CACNA2D1: variants seen among roughly 807,000 people sequenced by gnomAD.
The protein encoded by CACNA2D1 is voltage-dependent calcium channel subunit alpha-2/delta-1.
In CACNA2D1, 53 loss-of-function variants were observed where a neutral mutation model predicts 171.5. The ratio of observed to expected loss-of-function variants is 0.31; its 90% CI spans 0.25 to 0.39. The LOEUF (loss-of-function observed/expected upper bound fraction) is 0.39. Ranked by LOEUF, CACNA2D1 falls within the 10% of genes least tolerant of loss-of-function variation. The pLI is 1.00. For synonymous variants in CACNA2D1, 442 were observed against 443.1 expected (o/e 1.00, Z 0.03); for missense variants, 903 against 1,299.8 (o/e 0.69, Z 4.69).
intron 3 of CACNA2D1, among the ~76,000 whole-genome samples, chr7:82,203,295 C>T (rs1293840777): frequency 1.3e-5 from 2 of 152,102 alleles, no homozygotes; most frequent in African/African-American, 2.4e-5. Context: ...TGCCATCTAT[C>T]GTGGACTTGA....
At chr7:82,440,822 T>TAA (rs199734338) in intron 1 of CACNA2D1, among the ~76,000 whole-genome samples, 1 of 151,248 alleles carries the variant, frequency 6.6e-6, no homozygotes, top group Non-Finnish European at 1.5e-5. Flanking sequence ...TCTATATTTT[T>TAA]AAAAAAAAAC....
At chr7:82,020,937 A>T (rs1218792381) in intron 12 of CACNA2D1, 2 of 152,148 alleles carry the variant, frequency 1.3e-5, no homozygotes, top group Non-Finnish European at 2.9e-5. Context: ...GTAGTCATGT[A>T]AGTTTTGCAC....
intron 7 of CACNA2D1, among the ~76,000 whole-genome samples, chr7:82,074,160 C>A (rs966345250): frequency 1.3e-5 from 2 of 152,202 alleles, no homozygotes; most frequent in Non-Finnish European, 2.9e-5. Flanking sequence ...ATGCCATTAA[C>A]TAGACAATGC....
chr7:82,237,480 G>A, intron 3 of CACNA2D1, among the ~76,000 whole-genome samples: 1 of 151,728 alleles, frequency 6.6e-6, no homozygotes, highest in East Asian at 1.9e-4. Context: ...GTTCTATTGG[G>A]CTATACATCA....
intron 1 of CACNA2D1, among the ~76,000 whole-genome samples, chr7:82,435,841 T>C (rs1446353988): frequency 6.6e-6 from 1 of 152,192 alleles, no homozygotes; most frequent in African/African-American, 2.4e-5. Context: ...GTCGATGTAA[T>C]ATGAGCACTG....
intron 3 of CACNA2D1, among the ~76,000 whole-genome samples, chr7:82,311,754 AC>A (rs1814494482): frequency 6.6e-6 from 1 of 152,138 alleles, no homozygotes; most frequent in African/African-American, 2.4e-5. Flanking sequence ...TGGTTATTTT[AC>A]CCAGGCTTTG....
chr7:82,112,091 A>G (rs1788542845), intron 6 of CACNA2D1, among the ~76,000 whole-genome samples: 1 of 152,144 alleles, frequency 6.6e-6, no homozygotes, highest in Admixed American at 6.5e-5. Context: ...GTTTCTGCCT[A>G]ATATCATTTT....
intron 3 of CACNA2D1, among the ~76,000 whole-genome samples, chr7:82,228,465 A>G (rs975923501): frequency 6.6e-6 from 1 of 152,168 alleles, no homozygotes; most frequent in African/African-American, 2.4e-5. Flanking sequence ...ACATCATGGA[A>G]ATGCATGGTA....
rs577808421 is a variant in CACNA2D1, at chr7:82,138,571, A to C, written c.355-1895T>G. Among the ~76,000 whole-genome samples, 255 of 150,452 alleles carry C rather than the reference A, an allele frequency of 1.7e-3. No homozygotes were observed. The Middle Eastern group carries it at 0.045, about 26-fold the overall frequency. On this transcript the variant is annotated intron_variant, in intron 4 of 38. Coordinates refer to ENST00000356860, the MANE Select transcript of CACNA2D1 (RefSeq NM_000722.4). ...ACGCCATTCTCCTGCCTCAGCCTCC[A>C]AAGTAGCTGGGACTACAGGCGCCCG...
At chr7:82,130,995 G>A (rs2129069809) in intron 5 of CACNA2D1, among the ~76,000 whole-genome samples, 1 of 151,902 alleles carries the variant, frequency 6.6e-6, no homozygotes, top group East Asian at 1.9e-4. Context: ...GTAGAGACAG[G>A]GTTTCACTGT....
intron 18 of CACNA2D1, among the ~76,000 whole-genome samples, chr7:82,004,789 G>A (rs1798960827): frequency 6.6e-6 from 1 of 152,158 alleles, no homozygotes; most frequent in Non-Finnish European, 1.5e-5. Context: ...GAAATGAGTT[G>A]TACAAGGTAA....
chr7:82,146,061 C>T (rs1301900729), intron 4 of CACNA2D1, among the ~76,000 whole-genome samples: 2 of 151,828 alleles, frequency 1.3e-5, no homozygotes, highest in African/African-American at 4.8e-5. Context: ...TAAAGTATCA[C>T]TTCATAAGTT....
intron 7 of CACNA2D1, among the ~76,000 whole-genome samples, chr7:82,078,461 G>T (rs1232835394): frequency 6.6e-6 from 1 of 152,132 alleles, no homozygotes; most frequent in African/African-American, 2.4e-5. Context: ...AAAGTTGATA[G>T]CTATTGAAAG....
chr7:82,045,427 A>C (rs908309813), intron 10 of CACNA2D1, among the ~76,000 whole-genome samples: 1 of 152,128 alleles, frequency 6.6e-6, no homozygotes, highest in Non-Finnish European at 1.5e-5. Context: ...TAGAAAATCA[A>C]CCGTCTATCA....
intron 7 of CACNA2D1, among the ~76,000 whole-genome samples, chr7:82,077,109 A>G (rs10954662): frequency 0.37 from 56,345 of 152,042 alleles, 10,995 homozygotes; most frequent in Non-Finnish European, 0.43. Context: ...ATTTAGATGT[A>G]TAAGTTGACT....
At chr7:82,395,504 C>T (rs775318668) in intron 1 of CACNA2D1, among the ~76,000 whole-genome samples, 14 of 152,268 alleles carry the variant, frequency 9.2e-5, no homozygotes, top group South Asian at 2.1e-4. Context: ...ACCCTCTAAG[C>T]GCATGTCTCA....
At chr7:82,171,130 G>A (rs976656894) in intron 3 of CACNA2D1, among the ~76,000 whole-genome samples, 4 of 151,960 alleles carry the variant, frequency 2.6e-5, no homozygotes, top group African/African-American at 9.7e-5. Context: ...TTCTTTCAGC[G>A]ATAATCTTTG....
intron 1 of CACNA2D1, among the ~76,000 whole-genome samples, chr7:82,386,289 T>C (rs1347034554): frequency 6.6e-6 from 1 of 152,190 alleles, no homozygotes; most frequent in Non-Finnish European, 1.5e-5. Flanking sequence ...TGCATTCTCC[T>C]ATGGACACTT....
intron 12 of CACNA2D1, among the ~76,000 whole-genome samples, chr7:82,016,433 C>T (rs986502358): frequency 4.6e-5 from 7 of 151,948 alleles, no homozygotes; most frequent in African/African-American, 7.3e-5. Context: ...TCTAGTAAAA[C>T]ATTTTTCATA....
Sources: gnomAD v4.1 joint callset for allele counts (sites outside exome capture counted in the v4.1 genomes callset) on GRCh38, gnomAD v4.1.1 for gene constraint, MANE v1.5 for transcripts, NCBI Gene and HGNC (gene_info 2026-07-23, HGNC 2026-07-21) for gene names.